DMTN: variants seen among roughly 807,000 people sequenced by gnomAD.
DMTN encodes dematin.
A neutral mutation model predicts 59.4 loss-of-function variants in DMTN; 27 were observed. The ratio of observed to expected loss-of-function variants is 0.45; its 90% CI spans 0.33 to 0.63. DMTN has a LOEUF of 0.63. Among genes scored for constraint, DMTN ranks in the 20% least tolerant of loss-of-function variants. DMTN has a pLI of 0.02. For synonymous variants in DMTN, 221 were observed against 203.7 expected (o/e 1.08, Z -0.72); for missense variants, 451 against 528.9 (o/e 0.85, Z 1.45).
At chr8:22,054,922 G>C (rs1033701671), upstream of DMTN, 2 of 152,672 alleles carry the variant, frequency 1.3e-5, no homozygotes. Flanking sequence ...GGCAACAGGA[G>C]GTGGAGAGGA....
At chr8:22,070,041 C>A in intron 7 of DMTN, 104 bp downstream of exon 7, 2 of 1,560,818 alleles carry the variant, frequency 1.3e-6, no homozygotes, top group South Asian at 1.1e-5. Flanking sequence ...GATAGCATGT[C>A]ACAGCAGCAC....
intron 4 of DMTN, among the ~76,000 whole-genome samples, chr8:22,068,804 G>T (rs982400721): frequency 6.6e-6 from 1 of 152,176 alleles, no homozygotes; most frequent in African/African-American, 2.4e-5. Context: ...GGAGTACTGA[G>T]CAAGGCTCGC....
chr8:22,072,495 C>T (rs1027924447), intron 9 of DMTN, 45 bp downstream of exon 9: 6 of 1,520,510 alleles, frequency 3.9e-6, no homozygotes, highest in African/African-American at 2.8e-5. Flanking sequence ...GCAGGAGTCT[C>T]GCTCTGTTGC....
Position 22,082,120 on chromosome 8 carries a change from T to G in DMTN, c.*657T>G, listed in dbSNP as rs1247439830. Reference sequence around the variant, plus strand: ...CTACACACGATCCTGGCCCTCCACCTGCCTCCAGGCCACGAAATGGGAATT... The same window carrying G: ...CTACACACGATCCTGGCCCTCCACCGGCCTCCAGGCCACGAAATGGGAATT... On this transcript the variant is annotated 3_prime_UTR_variant, in exon 16 of 16. Transcript: ENST00000358242. 1 of 456,468 alleles carries G rather than the reference T, an allele frequency of 2.2e-6. No individual in the cohort carries two copies. Among genetic ancestry groups the G allele is most frequent in the Non-Finnish European group, 4.4e-6 (1 of 226,692 alleles). 28.3% of individuals were successfully genotyped at this position (456,468 alleles called of 1,614,324 possible). A position where few individuals can be genotyped will look rare whatever the true frequency, so the allele number is the denominator to read the frequency against.
At chr8:22,059,221 G>A (rs11994442) in intron 1 of DMTN, 2,878 of 152,692 alleles carry the variant, frequency 0.019, 47 homozygotes, top group African/African-American at 0.043. Context: ...AGAGAAAGCA[G>A]AAAGACAGGA....
intron 10 of DMTN, among the ~76,000 whole-genome samples, chr8:22,079,769 A>AT (rs1345064126): frequency 9.4e-5 from 14 of 149,000 alleles, no homozygotes; most frequent in Middle Eastern, 3.5e-3. Context: ...CAAAAAAAAA[A>AT]TTTTTTTTTT....
At chr8:22,067,272 T>C in intron 3 of DMTN, 113 bp downstream of exon 3, 2 of 1,250,510 alleles carry the variant, frequency 1.6e-6, no homozygotes, top group Non-Finnish European at 1.1e-6. Context: ...GTCCCTCCGG[T>C]GCTGGCGGGC....
At chr8:22,074,864 AC>A (rs1818479384) in intron 10 of DMTN, among the ~76,000 whole-genome samples, 1 of 151,922 alleles carries the variant, frequency 6.6e-6, no homozygotes, top group African/African-American at 2.4e-5. Context: ...AGACCTGAAA[AC>A]CCAGCAATGA....
intron 8 of DMTN, 92 bp from the exon 9 acceptor site, chr8:22,072,234 A>G: frequency 7.0e-7 from 1 of 1,422,152 alleles, no homozygotes; most frequent in East Asian, 2.8e-5. Flanking sequence ...ATCAAGGTCC[A>G]GCCCAGAGCA....
At chr8:22,081,251 TG>T in intron 15 of DMTN, 58 bp downstream of exon 15, 1 of 1,607,974 alleles carries the variant, frequency 6.2e-7, no homozygotes, top group South Asian at 1.1e-5. Flanking sequence ...CTCTCCTGCC[TG>T]GGGGAAGATC....
chr8:22,066,936 G>A, intron 2 of DMTN, 43 bp downstream of exon 2: 1 of 1,234,070 alleles, frequency 8.1e-7, no homozygotes, highest in Non-Finnish European at 1.0e-6. Context: ...AGGGCGGGTG[G>A]GGGCCGCTTG....
chr8:22,053,097 C>T (rs1044253580), upstream of DMTN, among the ~76,000 whole-genome samples: 22 of 152,062 alleles, frequency 1.4e-4, no homozygotes, highest in African/African-American at 2.7e-4. Flanking sequence ...AAAACGGGCA[C>T]GAGAATCAAG....
intron 13 of DMTN, 84 bp downstream of exon 13, chr8:22,080,709 G>A (rs375898804): frequency 6.3e-7 from 1 of 1,581,872 alleles, no homozygotes; most frequent in African/African-American, 1.3e-5. Flanking sequence ...GGGGGTGTGG[G>A]GCCACAGAGT....
At position 22,082,141 on chromosome 8, in the gene DMTN, G is replaced by A. The variant is rs1049557340; in HGVS notation, c.*678G>A. The A allele has an allele frequency of 1.1e-5, 5 of 456,312 alleles. No homozygotes were observed. The allele number at this position is 456,312 out of a possible 1,614,324, so 28.3% of individuals were successfully genotyped here. On this transcript the variant is annotated 3_prime_UTR_variant, in exon 16 of 16. Transcript: ENST00000358242. The stretch of plus-strand genomic sequence containing the variant: ...CACCTGCCTCCAGGCCACGAAATGG[G>A]AATTCCAGCACTAAGCCAGGCACCG...
chr8:22,067,047 C>T lies in DMTN; in HGVS notation c.19-38C>T, dbSNP rs758154201. 3 of 1,562,732 alleles carry T rather than the reference C, an allele frequency of 1.9e-6. No homozygotes were observed. In the South Asian group the frequency reaches 3.4e-5, roughly 18 times the overall value. On this transcript the variant is annotated intron_variant, in intron 2 of 15. Transcript: ENST00000358242. Reference sequence around the variant, plus strand: ...CGCCCCCGCCCCGCTCCCGCACACACGCACGTGCCCACCCGCCCGCCTTCT... The same window carrying T: ...CGCCCCCGCCCCGCTCCCGCACACATGCACGTGCCCACCCGCCCGCCTTCT...
chr8:22,068,960 A>G, intron 4 of DMTN, 56 bp from the exon 5 acceptor site: 1 of 1,591,528 alleles, frequency 6.3e-7, no homozygotes, highest in Non-Finnish European at 8.6e-7. Context: ...CTGGAATTCT[A>G]GGGAAGAGGC....
rs774955425 is a variant in DMTN at position 22,066,862 on chromosome 8, G to A, written c.-14G>A. The A allele has an allele frequency of 1.4e-4, 197 of 1,408,872 alleles. No homozygotes were observed. Among genetic ancestry groups the A allele is most frequent in the Non-Finnish European group, 1.7e-4 (188 of 1,078,636 alleles). 87.3% of individuals were successfully genotyped at this position (1,408,872 alleles called of 1,614,324 possible). ...GGGCTCTGCGAGTGACCCGGCGGGC[G>A]AGCTCCGTGCTGCATGGAACGGCTG... On this transcript the variant is annotated 5_prime_UTR_variant, in exon 2 of 16. Transcript: ENST00000358242.
intron 1 of DMTN, among the ~76,000 whole-genome samples, chr8:22,061,388 A>T (rs1007594959): frequency 1.3e-5 from 2 of 152,210 alleles, no homozygotes; most frequent in Non-Finnish European, 1.5e-5. Context: ...TGTTCATATG[A>T]CTGTGACCAT....
Position 22,080,795 on chromosome 8 carries a change from G to A in DMTN, c.958-10G>A. ...CCCGCTCTGGCTCACTGCGGCTTTG[G>A]TCTCCCCAGAACGGAGAGGGCCAGA... On this transcript the variant is annotated splice_polypyrimidine_tract_variant and intron_variant, in intron 13 of 15. Transcript: ENST00000358242. 6.2e-7 allele frequency: 1 copy of A among 1,608,914 alleles called. No homozygotes were observed. Among genetic ancestry groups the A allele is most frequent in the Non-Finnish European group, 8.5e-7 (1 of 1,177,992 alleles).
Sources: allele counts gnomAD v4.1 joint callset (sites outside exome capture counted in the v4.1 genomes callset), GRCh38; gene constraint gnomAD v4.1.1; transcripts MANE v1.5; gene names NCBI Gene and HGNC (gene_info 2026-07-23, HGNC 2026-07-21).